ZRANB1: variants seen among roughly 807,000 people sequenced by gnomAD.
ZRANB1 encodes the protein zinc finger RANBP2-type containing 1.
A neutral mutation model predicts 80.5 loss-of-function variants in ZRANB1; 16 were observed. That is an observed-to-expected ratio of 0.20 (90% confidence interval 0.13 to 0.30). ZRANB1 has a LOEUF of 0.30. Ranked by LOEUF, ZRANB1 falls within the 10% of genes least tolerant of loss-of-function variation. The pLI, the probability that ZRANB1 is intolerant of heterozygous loss-of-function variation, is 1.00. For synonymous variants in ZRANB1, 291 were observed against 293.1 expected (o/e 0.99, Z 0.07); for missense variants, 576 against 862.6 (o/e 0.67, Z 4.16).
the ZRANB1 span, among the ~76,000 whole-genome samples, chr10:124,931,368 T>C: frequency 1.3e-5 from 2 of 152,036 alleles, no homozygotes; most frequent in Non-Finnish European, 2.9e-5. Flanking sequence ...TTTTAAATAC[T>C]CTCCGTTATT....
chr10:124,918,292 G>A, the ZRANB1 span, among the ~76,000 whole-genome samples: 1 of 152,196 alleles, frequency 6.6e-6, no homozygotes, highest in Non-Finnish European at 1.5e-5. Flanking sequence ...CCAGGTTCAA[G>A]CGATTCTCCT....
chr10:124,930,015 T>C, the ZRANB1 span, among the ~76,000 whole-genome samples: 1 of 151,838 alleles, frequency 6.6e-6, no homozygotes, highest in African/African-American at 2.4e-5. Flanking sequence ...ATGAAGTTAC[T>C]GTTCTTTACC....
intron 8 of ZRANB1, among the ~76,000 whole-genome samples, chr10:124,984,079 C>CA (rs1165887904): frequency 6.6e-6 from 1 of 151,772 alleles, no homozygotes; most frequent in East Asian, 1.9e-4. Context: ...GAGAAGAGGT[C>CA]AGAGAGGATA....
Position 124,983,055 on chromosome 10 carries a change from C to T in ZRANB1, c.1549-120C>T, listed in dbSNP as rs1951953998. On this transcript the variant is annotated intron_variant, in intron 6 of 8. Coordinates refer to ENST00000359653, the MANE Select transcript of ZRANB1 (RefSeq NM_017580.3). The surrounding 1 kb of genome is among the most constrained non-coding windows in gnomAD (Gnocchi z 6.2). ...AGGAATCAAATGCTGCTTTGACAAT[C>T]TTTTCTTTCTTAAAAACCAACTGCG... is the stretch of plus-strand genomic sequence containing the variant. 2 of 991,202 alleles carry T rather than the reference C, an allele frequency of 2.0e-6. No individual in the cohort carries two copies. The highest frequency in any genetic ancestry group is 5.6e-5 in the Admixed American group (2 of 35,960). The allele number at this position is 991,202 out of a possible 1,614,324, so 61.4% of individuals were successfully genotyped here.
At chr10:124,970,444 T>A (rs964446342) in intron 2 of ZRANB1, among the ~76,000 whole-genome samples, 1 of 151,920 alleles carries the variant, frequency 6.6e-6, no homozygotes. Context: ...GGGTTTTTTG[T>A]AGAGGCAGAG....
intron 3 of ZRANB1, 31 bp from the exon 4 acceptor site, chr10:124,973,614 A>T: frequency 6.3e-7 from 1 of 1,583,518 alleles, no homozygotes; most frequent in Non-Finnish European, 8.6e-7. Context: ...TATGAAACAA[A>T]AGATCTTTTA....
intron 1 of ZRANB1, among the ~76,000 whole-genome samples, chr10:124,950,112 T>G (rs1951624796): frequency 6.6e-6 from 1 of 152,214 alleles, no homozygotes; most frequent in Non-Finnish European, 1.5e-5. Flanking sequence ...TGTTTTATTT[T>G]TTAATTAATT....
intron 1 of ZRANB1, among the ~76,000 whole-genome samples, chr10:124,954,140 G>GTTTTGT (rs1951667549): frequency 1.9e-5 from 1 of 52,510 alleles, no homozygotes; most frequent in African/African-American, 8.4e-5. Flanking sequence ...GCTAATTCCT[G>GTTTTGT]TTTTTTTTTT....
chr10:124,964,159 C>G (rs988907843), intron 1 of ZRANB1, among the ~76,000 whole-genome samples: 5 of 152,158 alleles, frequency 3.3e-5, no homozygotes, highest in Non-Finnish European at 7.4e-5. Context: ...TTGTGTATAT[C>G]GGCTTTATTG....
At chr10:124,928,548 ACCT>A in the ZRANB1 span, among the ~76,000 whole-genome samples, 2 of 152,116 alleles carry the variant, frequency 1.3e-5, no homozygotes, top group Admixed American at 1.3e-4. Context: ...ATTATTGGGC[ACCT>A]CCTATGTGAT....
chr10:124,920,474 TC>T, the ZRANB1 span, among the ~76,000 whole-genome samples: 1 of 152,210 alleles, frequency 6.6e-6, no homozygotes, highest in African/African-American at 2.4e-5. Context: ...GGTGTGGTGT[TC>T]AAGTTTCTCT....
the ZRANB1 span, among the ~76,000 whole-genome samples, chr10:124,922,337 T>TGTATA: frequency 2.9e-5 from 1 of 34,776 alleles, no homozygotes; most frequent in African/African-American, 7.1e-5. Context: ...TATATATATA[T>TGTATA]TTTTTTTTTA....
At chr10:124,959,225 T>G (rs1430798361) in intron 1 of ZRANB1, among the ~76,000 whole-genome samples, 2 of 152,130 alleles carry the variant, frequency 1.3e-5, no homozygotes, top group Non-Finnish European at 2.9e-5. Context: ...AAGCTGAAAC[T>G]TGAAAGAGAA....
rs1204487982 is a variant in ZRANB1, at chr10:124,976,994, G to A, written c.1427+2596G>A. Among the ~76,000 whole-genome samples, 3 of 152,064 alleles carry A rather than the reference G, an allele frequency of 2.0e-5. No homozygotes were observed. The Middle Eastern group carries it at 0.01, about 517-fold the overall frequency. On this transcript the variant is annotated intron_variant, in intron 5 of 8. Coordinates refer to ENST00000359653, the MANE Select transcript of ZRANB1 (RefSeq NM_017580.3). ...GGTGGTGTTTGTTTTTTGAGAAAGG[G>A]TCTTGCTCTGTCACCCAGGCTGAAA...
At chr10:124,923,235 C>T in the ZRANB1 span, among the ~76,000 whole-genome samples, 23,972 of 151,572 alleles carry the variant, frequency 0.16, 1,945 homozygotes, top group East Asian at 0.21. Flanking sequence ...TGCAGAGAGC[C>T]GAGCTACACT....
chr10:124,981,479 G>T, intron 5 of ZRANB1: 1 of 302,560 alleles, frequency 3.3e-6, no homozygotes, highest in Non-Finnish European at 5.9e-6. Flanking sequence ...AAATTTGGTT[G>T]TCGGTAAATC....
intron 2 of ZRANB1, among the ~76,000 whole-genome samples, chr10:124,967,098 G>A (rs1055783258): frequency 2.0e-5 from 3 of 152,124 alleles, no homozygotes; most frequent in African/African-American, 7.2e-5. Flanking sequence ...GGCTGAGAAG[G>A]GATACAATTG....
At chr10:124,974,011 A>G (rs1455251592) in intron 4 of ZRANB1, among the ~76,000 whole-genome samples, 189 bp from the exon 5 acceptor site, 1 of 152,232 alleles carries the variant, frequency 6.6e-6, no homozygotes, top group Non-Finnish European at 1.5e-5. Context: ...AGTTTATTAA[A>G]TTATTCTAGA....
At chr10:124,968,014 T>C (rs1397759111) in intron 2 of ZRANB1, among the ~76,000 whole-genome samples, 1 of 152,082 alleles carries the variant, frequency 6.6e-6, no homozygotes, top group Non-Finnish European at 1.5e-5. Flanking sequence ...GTCTCCTTTG[T>C]CAGCCTCCTA....
Sources: allele counts gnomAD v4.1 joint callset (sites outside exome capture counted in the v4.1 genomes callset), GRCh38; gene constraint gnomAD v4.1.1; non-coding constraint Gnocchi (gnomAD v3.1); transcripts MANE v1.5; gene names NCBI Gene and HGNC (gene_info 2026-07-23, HGNC 2026-07-21).